The following RHOJ variants were observed in gnomAD, a reference collection of about 807,000 sequenced individuals.
The protein encoded by RHOJ is rho-related GTP-binding protein RhoJ.
In RHOJ, 11 loss-of-function variants were observed where a neutral mutation model predicts 23.4. The observed-to-expected ratio is 0.47, with a 90% CI of 0.30 to 0.78. The LOEUF (loss-of-function observed/expected upper bound fraction) is 0.78, where lower values mean the gene tolerates loss of function less well. Among genes scored for constraint, RHOJ ranks in the 30% least tolerant of loss-of-function variants. The pLI is 0.08. For synonymous variants in RHOJ, 102 were observed against 102.7 expected (o/e 0.99, Z 0.04); for missense variants, 254 against 273.4 (o/e 0.93, Z 0.50).
At chr14:63,270,466 C>T (rs535720297) in intron 2 of RHOJ, among the ~76,000 whole-genome samples, 2 of 152,144 alleles carry the variant, frequency 1.3e-5, no homozygotes, top group Non-Finnish European at 2.9e-5. Context: ...CAACCTCTCA[C>T]GCCAATAGCA....
At chr14:63,231,814 C>A (rs574160576) in intron 1 of RHOJ, among the ~76,000 whole-genome samples, 8 of 152,212 alleles carry the variant, frequency 5.3e-5, no homozygotes, top group Non-Finnish European at 1.2e-4. Context: ...ATACTTGATA[C>A]AACTTTTTTT....
At chr14:63,258,432 C>A (rs1050795591) in intron 1 of RHOJ, among the ~76,000 whole-genome samples, 13 of 143,806 alleles carry the variant, frequency 9.0e-5, no homozygotes, top group Admixed American at 4.7e-4. Flanking sequence ...TAGCAAATAA[C>A]CCCTTGAACT....
chr14:63,284,360 C>A (rs1882011618), intron 4 of RHOJ: 1 of 985,176 alleles, frequency 1.0e-6, no homozygotes, highest in Non-Finnish European at 1.2e-6. Context: ...CTAACTAGCG[C>A]CAGACGTCCA....
chr14:63,205,945 C>T (rs1019803619), intron 1 of RHOJ, among the ~76,000 whole-genome samples: 4 of 152,078 alleles, frequency 2.6e-5, no homozygotes, highest in African/African-American at 9.7e-5. Context: ...CTTATGGTAG[C>T]CTACATTTTA....
chr14:63,291,116 A>T lies in RHOJ; in HGVS notation c.*92A>T. ...TCCAGCCAAAAAGGAGGGCACGACC[A>T]GAAAGGAACTCCCTTTGCACGGAGG... On this transcript the variant is annotated 3_prime_UTR_variant, in exon 5 of 5. Transcript: ENST00000316754. The T allele has an allele frequency of 7.0e-7, 1 of 1,432,840 alleles. No individual in the cohort carries two copies. The highest frequency in any genetic ancestry group is 9.7e-7 in the Non-Finnish European group (1 of 1,025,658). 88.8% of individuals were successfully genotyped at this position (1,432,840 alleles called of 1,614,324 possible). A position where few individuals can be genotyped will look rare whatever the true frequency, so the allele number is the denominator to read the frequency against.
In RHOJ at chr14:63,293,284, TG is replaced by T. The variant is rs1012210827; in HGVS notation, c.*2261del. 1 of 151,798 alleles carries T rather than the reference TG, an allele frequency of 6.6e-6. No homozygotes were observed. Among genetic ancestry groups the T allele is most frequent in the Admixed American group, 6.5e-5 (1 of 15,270 alleles). The allele number at this position is 151,798 out of a possible 1,614,324, so 9.4% of individuals were successfully genotyped here. ...GCCACTCATTTCTCACTGATGTGGATGAAAAAATGAGAGCAGTATGTTTCCA... is the reference window on the plus strand; with the variant it reads ...GCCACTCATTTCTCACTGATGTGGATAAAAAATGAGAGCAGTATGTTTCCA... On this transcript the variant is annotated 3_prime_UTR_variant, in exon 5 of 5. Coordinates refer to ENST00000316754, the MANE Select transcript of RHOJ (RefSeq NM_020663.5).
intron 1 of RHOJ, among the ~76,000 whole-genome samples, chr14:63,264,716 C>A (rs1346230154): frequency 1.3e-5 from 2 of 152,176 alleles, no homozygotes; most frequent in Non-Finnish European, 2.9e-5. Context: ...AATAGCCATT[C>A]TGACTGGTGT....
rs564970786 is a variant in RHOJ at position 63,293,026 on chromosome 14, T to A, written c.*2002T>A. The A allele has an allele frequency of 6.6e-6, 1 of 151,888 alleles. No homozygotes were observed. The highest frequency in any genetic ancestry group is 2.1e-4 in the South Asian group (1 of 4,804). The allele number at this position is 151,888 out of a possible 1,614,324, so 9.4% of individuals were successfully genotyped here. ...TCTAATTGCTAAAGATTTTCTTTCA[T>A]ACGCACACACTCCAGTGACTGGAAA... On this transcript the variant is annotated 3_prime_UTR_variant, in exon 5 of 5. Transcript: ENST00000316754.
At chr14:63,280,671 TG>T (rs1202066801) in intron 2 of RHOJ, among the ~76,000 whole-genome samples, 1 of 152,158 alleles carries the variant, frequency 6.6e-6, no homozygotes, top group Non-Finnish European at 1.5e-5. Flanking sequence ...TAAAAATAAA[TG>T]GGTGAACTTT....
At chr14:63,260,502 C>T (rs1218469733) in intron 1 of RHOJ, among the ~76,000 whole-genome samples, 2 of 152,120 alleles carry the variant, frequency 1.3e-5, no homozygotes, top group African/African-American at 4.8e-5. Context: ...GTATATACAT[C>T]AACAACAGCA....
chr14:63,284,516 C>T (rs1041842745), intron 4 of RHOJ: 2 of 223,554 alleles, frequency 8.9e-6, no homozygotes, highest in Non-Finnish European at 7.5e-6. Context: ...AAGTCAAAAA[C>T]TTCCAATCCA....
intron 1 of RHOJ, among the ~76,000 whole-genome samples, chr14:63,240,318 G>A (rs982603368): frequency 6.6e-5 from 10 of 152,104 alleles, no homozygotes; most frequent in African/African-American, 2.2e-4. Context: ...ATTTATTATT[G>A]TCATCAAAAC....
chr14:63,271,812 C>T (rs1895476164), intron 2 of RHOJ, among the ~76,000 whole-genome samples: 1 of 152,062 alleles, frequency 6.6e-6, no homozygotes, highest in Non-Finnish European at 1.5e-5. Context: ...TGCCCAGGCT[C>T]GTCTCAAACT....
intron 2 of RHOJ, among the ~76,000 whole-genome samples, chr14:63,278,851 T>A (rs2139662659): frequency 6.6e-6 from 1 of 152,166 alleles, no homozygotes; most frequent in Non-Finnish European, 1.5e-5. Flanking sequence ...CTGGGTGTGG[T>A]GGCATGTGCC....
At chr14:63,233,015 A>G (rs572916439) in intron 1 of RHOJ, among the ~76,000 whole-genome samples, 3 of 152,186 alleles carry the variant, frequency 2.0e-5, no homozygotes, top group South Asian at 2.1e-4. Context: ...CAATAAAGAC[A>G]TATTTTCATG....
At chr14:63,245,241 T>A (rs1476125388) in intron 1 of RHOJ, among the ~76,000 whole-genome samples, 6 of 152,116 alleles carry the variant, frequency 3.9e-5, no homozygotes, top group African/African-American at 1.4e-4. Flanking sequence ...TACATTTTAG[T>A]TATCACATAC....
intron 1 of RHOJ, among the ~76,000 whole-genome samples, chr14:63,222,314 A>G (rs77137085): frequency 0.83 from 125,812 of 152,058 alleles, 53,153 homozygotes; most frequent in Middle Eastern, 0.96. Context: ...TAGCAGCATG[A>G]TTTACAATCC....
At chr14:63,206,284 G>C (rs1407669457) in intron 1 of RHOJ, among the ~76,000 whole-genome samples, 1 of 152,178 alleles carries the variant, frequency 6.6e-6, no homozygotes, top group Non-Finnish European at 1.5e-5. Flanking sequence ...TAGAAATTAA[G>C]AGCAAATTTT....
chr14:63,222,148 A>G (rs906818098), intron 1 of RHOJ, among the ~76,000 whole-genome samples: 2 of 152,092 alleles, frequency 1.3e-5, no homozygotes, highest in African/African-American at 2.4e-5. Flanking sequence ...TACAAAGGAC[A>G]TGAACTCATC....
Sources: gnomAD v4.1 joint callset for allele counts (sites outside exome capture counted in the v4.1 genomes callset) on GRCh38, gnomAD v4.1.1 for gene constraint, MANE v1.5 for transcripts, NCBI Gene and HGNC (gene_info 2026-07-23, HGNC 2026-07-21) for gene names.